Variants in GFRA2 observed in about 807,000 individuals in gnomAD.
GFRA2 encodes the protein GDNF family receptor alpha-2.
In GFRA2, 17 loss-of-function variants were observed where a neutral mutation model predicts 48.3. That is an observed-to-expected ratio of 0.35 (90% CI 0.24 to 0.53). GFRA2 has a LOEUF of 0.53. Ranked by LOEUF, GFRA2 falls within the 20% of genes least tolerant of loss-of-function variation. The pLI, the probability that GFRA2 is intolerant of heterozygous loss-of-function variation, is 0.93. For missense variants in GFRA2, 660 were observed against 637.3 expected, an observed-to-expected ratio of 1.04 and a Z score of -0.38; for synonymous variants, 305 against 257.2, an observed-to-expected ratio of 1.19 and a Z score of -1.78.
intron 4 of GFRA2, among the ~76,000 whole-genome samples, chr8:21,748,173 C>A (rs565046585): frequency 6.6e-6 from 1 of 152,262 alleles, no homozygotes; most frequent in East Asian, 1.9e-4. Context: ...TCTCTTCTTT[C>A]CAGCCTCATT....
intron 3 of GFRA2, among the ~76,000 whole-genome samples, chr8:21,752,179 TA>T (rs1276398401): frequency 1.3e-5 from 2 of 151,952 alleles, no homozygotes; most frequent in Non-Finnish European, 2.9e-5. Flanking sequence ...CATCTTCAAT[TA>T]AAAAAAGACC....
In GFRA2 at chr8:21,706,234, G is replaced by A. The variant is rs561884814; in HGVS notation, c.795-193C>T. Among the ~76,000 whole-genome samples the A allele has an allele frequency of 3.3e-5, 5 of 152,284 alleles. No homozygotes were observed. In the East Asian group the frequency reaches 9.7e-4, roughly 29 times the overall value. On this transcript the variant is annotated intron_variant, in intron 4 of 8. Coordinates refer to ENST00000524240, the MANE Select transcript of GFRA2 (RefSeq NM_001495.5). ...AATCTGTGAGCTTCTTGAGGACAGAGACTTCCCGGAGAGACAGGCACATAG... is the reference window on the plus strand; with the variant it reads ...AATCTGTGAGCTTCTTGAGGACAGAAACTTCCCGGAGAGACAGGCACATAG...
chr8:21,779,037 C>CT (rs112945367), intron 2 of GFRA2, among the ~76,000 whole-genome samples: 2,046 of 148,628 alleles, frequency 0.014, 39 homozygotes, highest in African/African-American at 0.047. Context: ...CTCATCTCTA[C>CT]TTAAAAAAAA....
chr8:21,779,592 A>T (rs1485163536), intron 2 of GFRA2: 1 of 152,222 alleles, frequency 6.6e-6, no homozygotes, highest in East Asian at 1.9e-4. Context: ...TACGCTACAG[A>T]GTCCGGCTCT....
intron 2 of GFRA2, 52 bp downstream of exon 2, chr8:21,782,533 T>C: frequency 1.4e-6 from 2 of 1,393,846 alleles, no homozygotes; most frequent in Non-Finnish European, 2.0e-6. Context: ...CCACACGTCC[T>C]CTCTGCCTGC....
intron 4 of GFRA2, among the ~76,000 whole-genome samples, chr8:21,741,316 G>A (rs890264121): frequency 6.6e-5 from 10 of 152,078 alleles, no homozygotes; most frequent in African/African-American, 1.2e-4. Flanking sequence ...CCCTCTGCAC[G>A]TGATGCTCTT....
intron 2 of GFRA2, among the ~76,000 whole-genome samples, chr8:21,804,686 T>C (rs1396620508): frequency 6.6e-6 from 1 of 152,214 alleles, no homozygotes; most frequent in African/African-American, 2.4e-5. Flanking sequence ...GCAGAGGTTT[T>C]TGCAGGATTT....
chr8:21,720,329 G>T (rs1284421393), intron 4 of GFRA2, among the ~76,000 whole-genome samples: 1 of 152,114 alleles, frequency 6.6e-6, no homozygotes. Flanking sequence ...AGTCACAAAG[G>T]GTATAGCCTA....
chr8:21,729,322 CCTGT>C (rs1804062001), intron 4 of GFRA2, among the ~76,000 whole-genome samples: 1 of 151,960 alleles, frequency 6.6e-6, no homozygotes, highest in Non-Finnish European at 1.5e-5. Context: ...AGAGTGAGAC[CCTGT>C]CTCTATATAA....
At chr8:21,791,028 G>A (rs1807563688), upstream of GFRA2, among the ~76,000 whole-genome samples, 1 of 151,908 alleles carries the variant, frequency 6.6e-6, no homozygotes. Context: ...CACCCATTTC[G>A]GAATCTCACG....
At chr8:21,810,539 G>A (rs995740747) in intron 1 of GFRA2, among the ~76,000 whole-genome samples, 1 of 152,210 alleles carries the variant, frequency 6.6e-6, no homozygotes, top group Non-Finnish European at 1.5e-5. Flanking sequence ...AGAAATGACA[G>A]GTCCTGGCTG....
At chr8:21,793,576 G>A (rs1247623200), upstream of GFRA2, among the ~76,000 whole-genome samples, 2 of 152,124 alleles carry the variant, frequency 1.3e-5, no homozygotes, top group African/African-American at 4.8e-5. Context: ...ATAATAACTC[G>A]ATGGCTATTA....
upstream of GFRA2, among the ~76,000 whole-genome samples, chr8:21,791,027 C>T (rs960103342): frequency 1.0e-3 from 157 of 152,212 alleles, no homozygotes; most frequent in African/African-American, 3.7e-3. Context: ...CCACCCATTT[C>T]GGAATCTCAC....
intron 7 of GFRA2, among the ~76,000 whole-genome samples, chr8:21,702,076 G>A (rs767683873): frequency 5.3e-5 from 8 of 152,278 alleles, no homozygotes; most frequent in Middle Eastern, 6.8e-3. Context: ...GCTGCCCGCC[G>A]CTCTAGCATG....
At chr8:21,790,465 T>C (rs1299055963), upstream of GFRA2, among the ~76,000 whole-genome samples, 3 of 152,228 alleles carry the variant, frequency 2.0e-5, no homozygotes, top group Non-Finnish European at 2.9e-5. Flanking sequence ...GAGGGGTCAC[T>C]AACAAAACCA....
intron 2 of GFRA2, among the ~76,000 whole-genome samples, chr8:21,799,361 G>A (rs1250904874): frequency 2.6e-5 from 4 of 152,184 alleles, no homozygotes; most frequent in East Asian, 1.9e-4. Flanking sequence ...GGGACTACAG[G>A]TGCCCGCCAC....
intron 3 of GFRA2, among the ~76,000 whole-genome samples, chr8:21,764,348 C>A (rs573528199): frequency 6.6e-6 from 1 of 152,252 alleles, no homozygotes; most frequent in East Asian, 1.9e-4. Flanking sequence ...ACACTAATCC[C>A]ATTCATAAGG....
intron 4 of GFRA2, among the ~76,000 whole-genome samples, chr8:21,731,665 A>G (rs997214062): frequency 6.6e-6 from 1 of 152,174 alleles, no homozygotes; most frequent in Non-Finnish European, 1.5e-5. Context: ...CCTCGTGCAT[A>G]CATAATTCCA....
chr8:21,795,674 T>C (rs1225244336), intron 2 of GFRA2, among the ~76,000 whole-genome samples: 1 of 152,234 alleles, frequency 6.6e-6, no homozygotes, highest in African/African-American at 2.4e-5. Context: ...AGTACAGGCA[T>C]GAGCCATCGC....
Sources: gnomAD v4.1 joint callset for allele counts (sites outside exome capture counted in the v4.1 genomes callset) on GRCh38, gnomAD v4.1.1 for gene constraint, MANE v1.5 for transcripts, NCBI Gene and HGNC (gene_info 2026-07-23, HGNC 2026-07-21) for gene names.